Variants in ZNF804A observed in about 807,000 individuals in gnomAD.
The protein encoded by ZNF804A is zinc finger protein 804A.
A neutral mutation model predicts 16.5 loss-of-function variants in ZNF804A; 2 were observed. The observed-to-expected ratio is 0.12, with a 90% confidence interval of 0.05 to 0.38. The LOEUF is 0.38. ZNF804A is among the 10% of genes least tolerant of loss of function. ZNF804A has a pLI of 0.99. For synonymous variants in ZNF804A, 534 were observed against 489.6 expected (o/e 1.09, Z -1.20); for missense variants, 1,473 against 1,390.7 (o/e 1.06, Z -0.94).
intron 1 of ZNF804A, among the ~76,000 whole-genome samples, chr2:184,611,492 A>G (rs1290812336): frequency 6.6e-6 from 1 of 151,764 alleles, no homozygotes; most frequent in East Asian, 1.9e-4. Context: ...ACCCTCAGAT[A>G]TCAGTCATTG....
chr2:184,762,265 C>CACCT (rs1694050391), intron 1 of ZNF804A, among the ~76,000 whole-genome samples: 1 of 150,536 alleles, frequency 6.6e-6, no homozygotes, highest in Admixed American at 6.6e-5. Flanking sequence ...TTTTATCAAG[C>CACCT]ACCTACTATT....
chr2:184,733,829 A>G (rs1693563316), intron 1 of ZNF804A, among the ~76,000 whole-genome samples: 1 of 149,842 alleles, frequency 6.7e-6, no homozygotes, highest in Non-Finnish European at 1.5e-5. Flanking sequence ...TCCCTTTATT[A>G]CTCTTTTAGT....
chr2:184,702,178 T>C (rs1012735130), intron 1 of ZNF804A, among the ~76,000 whole-genome samples: 3 of 152,072 alleles, frequency 2.0e-5, no homozygotes, highest in Admixed American at 6.5e-5. Flanking sequence ...TGTGTACTAA[T>C]ATATGCTAAT....
intron 1 of ZNF804A, among the ~76,000 whole-genome samples, chr2:184,813,767 A>C (rs902241935): frequency 4.6e-5 from 7 of 152,018 alleles, no homozygotes; most frequent in Non-Finnish European, 5.9e-5. Flanking sequence ...TGAAGTCCTC[A>C]AATCACCCCT....
intron 1 of ZNF804A, among the ~76,000 whole-genome samples, chr2:184,658,608 G>T (rs1247782360): frequency 6.6e-6 from 1 of 152,160 alleles, no homozygotes; most frequent in Non-Finnish European, 1.5e-5. Context: ...ACTGGGGATG[G>T]TTGGTTGAAA....
chr2:184,816,302 C>A (rs1694981120), intron 1 of ZNF804A, among the ~76,000 whole-genome samples: 1 of 151,914 alleles, frequency 6.6e-6, no homozygotes, highest in African/African-American at 2.4e-5. Flanking sequence ...GAATTGGGCT[C>A]TCCCTCCTAC....
intron 1 of ZNF804A, among the ~76,000 whole-genome samples, chr2:184,787,819 T>C (rs1332698249): frequency 7.1e-6 from 1 of 141,534 alleles, no homozygotes; most frequent in Non-Finnish European, 1.5e-5. Context: ...TTATTATTTC[T>C]TTTGCTGTTT....
chr2:184,719,956 TG>T (rs1196419616), intron 1 of ZNF804A, among the ~76,000 whole-genome samples: 1 of 152,212 alleles, frequency 6.6e-6, no homozygotes, highest in African/African-American at 2.4e-5. Flanking sequence ...AGTATTATTT[TG>T]TTTTTACACT....
intron 1 of ZNF804A, among the ~76,000 whole-genome samples, chr2:184,864,875 A>ATTTTTTTTTTTTTTTTTTTTTTT (rs34114485): frequency 1.9e-5 from 2 of 105,482 alleles, no homozygotes; most frequent in African/African-American, 9.0e-5. Context: ...TATAGTTAGG[A>ATTTTTTTTTTTTTTTTTTTTTTT]TTTTTTTTTT....
intron 1 of ZNF804A, among the ~76,000 whole-genome samples, chr2:184,634,003 G>C (rs1229480913): frequency 3.3e-5 from 5 of 152,076 alleles, no homozygotes; most frequent in African/African-American, 1.2e-4. Context: ...TGTGCCACAT[G>C]AAGCCTGATG....
chr2:184,885,622 G>A (rs1684876523), intron 2 of ZNF804A, among the ~76,000 whole-genome samples: 1 of 152,276 alleles, frequency 6.6e-6, no homozygotes, highest in South Asian at 2.1e-4. Context: ...AGAAAAAGAG[G>A]TTTATTTGGA....
chr2:184,816,334 C>T (rs1694982049), intron 1 of ZNF804A, among the ~76,000 whole-genome samples: 1 of 151,964 alleles, frequency 6.6e-6, no homozygotes, highest in South Asian at 2.1e-4. Context: ...ACTTGGAATA[C>T]AGTTTTACCT....
intron 1 of ZNF804A, among the ~76,000 whole-genome samples, chr2:184,627,935 A>G (rs979254308): frequency 6.6e-6 from 1 of 152,200 alleles, no homozygotes; most frequent in Non-Finnish European, 1.5e-5. Flanking sequence ...TGGTTTACTC[A>G]ATATTTATTC....
At chr2:184,783,638 C>T (rs1694406203) in intron 1 of ZNF804A, among the ~76,000 whole-genome samples, 1 of 151,784 alleles carries the variant, frequency 6.6e-6, no homozygotes, top group Non-Finnish European at 1.5e-5. Context: ...GAATGGAAAA[C>T]CTTAATACAT....
intron 1 of ZNF804A, among the ~76,000 whole-genome samples, chr2:184,610,028 G>A (rs1282943778): frequency 1.3e-5 from 2 of 152,176 alleles, no homozygotes; most frequent in African/African-American, 2.4e-5. Flanking sequence ...CTGCCCTCAT[G>A]AATGGAGTAA....
intron 1 of ZNF804A, among the ~76,000 whole-genome samples, chr2:184,650,807 C>A (rs1691971084): frequency 6.6e-6 from 1 of 152,004 alleles, no homozygotes; most frequent in Non-Finnish European, 1.5e-5. Context: ...ATACATGACA[C>A]AAATGGAAAA....
At chr2:184,615,696 A>G (rs1247416348) in intron 1 of ZNF804A, among the ~76,000 whole-genome samples, 3 of 152,122 alleles carry the variant, frequency 2.0e-5, no homozygotes, top group Non-Finnish European at 2.9e-5. Flanking sequence ...AAGCCCAATA[A>G]TAGGCAGTGA....
At chr2:184,599,117 C>T (rs1468631701) in intron 1 of ZNF804A, 47 bp downstream of exon 1, 3 of 1,397,822 alleles carry the variant, frequency 2.1e-6, no homozygotes, top group Non-Finnish European at 3.0e-6. Flanking sequence ...TTTAAGAGGG[C>T]ATTTGGAAGA....
chr2:184,877,667 C>T (rs183432240), intron 2 of ZNF804A, among the ~76,000 whole-genome samples: 36 of 152,058 alleles, frequency 2.4e-4, no homozygotes, highest in African/African-American at 8.2e-4. Context: ...AAATAGCATT[C>T]CCAGAGTCTG....
Sources: gnomAD v4.1 joint callset for allele counts (sites outside exome capture counted in the v4.1 genomes callset) on GRCh38, gnomAD v4.1.1 for gene constraint, MANE v1.5 for transcripts, NCBI Gene and HGNC (gene_info 2026-07-23, HGNC 2026-07-21) for gene names.